Variants in HTR1E observed in about 807,000 individuals in gnomAD.
HTR1E encodes 5-hydroxytryptamine receptor 1E, also known as 5-HT-1E.
In HTR1E, 3 loss-of-function variants were observed where a neutral mutation model predicts 3.4. The observed-to-expected ratio is 0.89, with a 90% CI of 0.41 to 2.31. The LOEUF (loss-of-function observed/expected upper bound fraction) is 2.31. Ranked by LOEUF, HTR1E falls within the 30% of genes most tolerant of loss-of-function variation. The pLI is 0.05. For missense variants in HTR1E, 392 were observed against 467.0 expected (o/e 0.84, Z 1.48); for synonymous variants, 170 against 182.8 (o/e 0.93, Z 0.56).
At chr6:86,964,037 T>C (rs1289542397) in intron 1 of HTR1E, among the ~76,000 whole-genome samples, 3 of 152,182 alleles carry the variant, frequency 2.0e-5, no homozygotes, top group Non-Finnish European at 4.4e-5. Context: ...GACATCATTC[T>C]AGAAAACCCT....
Position 86,937,772 on chromosome 6 carries a change from C to T in HTR1E, c.-237C>T. The T allele has an allele frequency of 6.5e-6, 1 of 153,090 alleles. No individual in the cohort carries two copies. Among genetic ancestry groups the T allele is most frequent in the East Asian group, 1.9e-4 (1 of 5,196 alleles). The allele number at this position is 153,090 out of a possible 1,614,324, so 9.5% of individuals were successfully genotyped here. A position where few individuals can be genotyped will look rare whatever the true frequency, so the allele number is the denominator to read the frequency against. On this transcript the variant is annotated 5_prime_UTR_variant, in exon 1 of 2. Transcript: ENST00000305344. ...TTCCGAGTGAGACTTCTGGAGCCAG[C>T]TGGACGTGCCGGTTTGCCCAGTGCG...
At chr6:86,987,860 T>A (rs77479396) in intron 1 of HTR1E, among the ~76,000 whole-genome samples, 6,317 of 151,768 alleles carry the variant, frequency 0.042, 191 homozygotes, top group East Asian at 0.14. Context: ...TTTATAAGGG[T>A]CTTAATCTCA....
chr6:87,016,475 G>T lies in HTR1E; in HGVS notation c.*43G>T. ...GGCACGACTTTTTCCAGAGCCTCAT[G>T]AGTGGATGGGGGTAAGGGGTGCAAC... On this transcript the variant is annotated 3_prime_UTR_variant, in exon 2 of 2. Coordinates refer to ENST00000305344, the MANE Select transcript of HTR1E (RefSeq NM_000865.3). The T allele has an allele frequency of 6.6e-7, 1 of 1,522,304 alleles. No homozygotes were observed. The highest frequency in any genetic ancestry group is 8.9e-7 in the Non-Finnish European group (1 of 1,126,216). 94.3% of individuals were successfully genotyped at this position (1,522,304 alleles called of 1,614,324 possible). A position where few individuals can be genotyped will look rare whatever the true frequency, so the allele number is the denominator to read the frequency against.
chr6:87,003,739 A>G (rs555359657), intron 1 of HTR1E, among the ~76,000 whole-genome samples: 34 of 152,208 alleles, frequency 2.2e-4, no homozygotes, highest in African/African-American at 7.5e-4. Flanking sequence ...CCAAACTCAA[A>G]ATTATTAGGA....
At chr6:86,958,122 G>A (rs569510470) in intron 1 of HTR1E, among the ~76,000 whole-genome samples, 28 of 148,632 alleles carry the variant, frequency 1.9e-4, no homozygotes, top group Non-Finnish European at 3.4e-4. Context: ...GCAATGGTGC[G>A]ATCTCGGCTC....
chr6:86,981,979 T>C (rs1767718762), intron 1 of HTR1E, among the ~76,000 whole-genome samples: 6 of 150,080 alleles, frequency 4.0e-5, no homozygotes, highest in Admixed American at 4.0e-4. Flanking sequence ...GATTTCTCCC[T>C]TGAGTGATGT....
At chr6:87,014,708 A>G (rs1230394701) in intron 1 of HTR1E, among the ~76,000 whole-genome samples, 1 of 152,218 alleles carries the variant, frequency 6.6e-6, no homozygotes, top group Non-Finnish European at 1.5e-5. Context: ...ACAGGAACAG[A>G]AAACCAAACA....
intron 1 of HTR1E, among the ~76,000 whole-genome samples, chr6:87,010,364 GCTGAC>G (rs1768197933): frequency 1.7e-5 from 2 of 117,234 alleles, no homozygotes; most frequent in African/African-American, 6.6e-5. Flanking sequence ...CGGGCGGGGG[GCTGAC>G]CCCCCCATCT....
rs140862196 is a variant in HTR1E at position 87,015,804 on chromosome 6, C to G, written c.470C>G (p.Pro157Arg). Residue 157 changes from proline (P) to arginine (R), a missense_variant, in exon 2 of 2, where the codon CCT (proline) becomes CGT (arginine). Pro to Arg is a moderately radical substitution (Grantham distance 103). This residue lies in a region of HTR1E where 189 missense variants were observed against 258.0 expected (regional missense o/e 0.73). Transcript: ENST00000305344. ...WTISIFISMP[P>R]LFWRSHRRLS... The stretch of plus-strand genomic sequence containing the variant: ...ATCTCCATTTTCATCTCCATGCCCC[C>G]TCTGTTCTGGAGAAGCCACCGCCGC... 11 of 1,612,670 alleles carry G rather than the reference C, an allele frequency of 6.8e-6. No homozygotes were observed.
Position 87,016,098 on chromosome 6 carries a change from A to G in HTR1E, c.764A>G (p.Glu255Gly). ...TTCTCCACCTCAGACCCTACCACAG[A>G]GTTTGAAAAGTTCCATGCCTCCATC... ...SDFSTSDPTTEFEKFHASIRI... is the reference protein window; with the variant it reads ...SDFSTSDPTTGFEKFHASIRI... The change falls in exon 2 of 2, where the codon GAG (glutamate) becomes GGG (glycine). Residue 255 changes from glutamate to glycine, a missense_variant. This residue lies in a region of HTR1E where 178 missense variants were observed against 164.9 expected (regional missense o/e 1.08). Coordinates refer to ENST00000305344, the MANE Select transcript of HTR1E (RefSeq NM_000865.3). The G allele has an allele frequency of 6.2e-7, 1 of 1,614,118 alleles. No homozygotes were observed. The highest frequency in any genetic ancestry group is 8.5e-7 in the Non-Finnish European group (1 of 1,180,010).
chr6:86,963,204 A>T (rs1349225999), intron 1 of HTR1E, among the ~76,000 whole-genome samples: 2 of 152,184 alleles, frequency 1.3e-5, no homozygotes, highest in African/African-American at 4.8e-5. Context: ...TAACAGAAAA[A>T]TTTAAAAAAT....
At chr6:87,009,956 G>A (rs1240011623) in intron 1 of HTR1E, among the ~76,000 whole-genome samples, 50 of 127,860 alleles carry the variant, frequency 3.9e-4, no homozygotes, top group African/African-American at 1.3e-3. Flanking sequence ...CAGTAGGGGC[G>A]GCCGGGCAGA....
Position 86,941,293 on chromosome 6 carries a change from G to A in HTR1E, c.-186+3470G>A, listed in dbSNP as rs113533298. Among the ~76,000 whole-genome samples the A allele has an allele frequency of 9.4e-3, 1,435 of 152,226 alleles. 22 individuals carry two copies. Among genetic ancestry groups the A allele is most frequent in the African/African-American group, 0.033 (1,352 of 41,562 alleles). ...TCACTCAATCAATTGGCATATTCCC[G>A]GATCACAACAAATTGATAAAATTCT... On this transcript the variant is annotated intron_variant, in intron 1 of 1. Transcript: ENST00000305344.
At chr6:86,979,381 G>A (rs1400965301) in intron 1 of HTR1E, among the ~76,000 whole-genome samples, 2 of 152,180 alleles carry the variant, frequency 1.3e-5, no homozygotes, top group East Asian at 1.9e-4. Context: ...AGGAGTCCAT[G>A]ACTCAAAAAC....
chr6:86,971,753 G>T (rs982525530), intron 1 of HTR1E, among the ~76,000 whole-genome samples: 2 of 151,982 alleles, frequency 1.3e-5, no homozygotes, highest in African/African-American at 4.8e-5. Context: ...TTTTGACATG[G>T]GAATATTGCA....
At chr6:86,939,829 A>C (rs529969162) in intron 1 of HTR1E, among the ~76,000 whole-genome samples, 18 of 152,320 alleles carry the variant, frequency 1.2e-4, no homozygotes, top group Non-Finnish European at 2.5e-4. Flanking sequence ...ACGATGGCTC[A>C]TGTCTCTCAA....
chr6:86,973,574 A>G (rs977627778), intron 1 of HTR1E, among the ~76,000 whole-genome samples: 1 of 152,118 alleles, frequency 6.6e-6, no homozygotes, highest in Non-Finnish European at 1.5e-5. Flanking sequence ...CCCCAAATAC[A>G]TATGTTCTGT....
intron 1 of HTR1E, among the ~76,000 whole-genome samples, chr6:86,994,051 T>C (rs542856103): frequency 3.9e-5 from 6 of 152,078 alleles, no homozygotes; most frequent in Non-Finnish European, 4.4e-5. Context: ...AAAAGATCGG[T>C]GAACTTAAAG....
At chr6:86,988,109 G>A (rs1767818671) in intron 1 of HTR1E, among the ~76,000 whole-genome samples, 1 of 152,118 alleles carries the variant, frequency 6.6e-6, no homozygotes, top group Non-Finnish European at 1.5e-5. Context: ...ATATTGACTT[G>A]CCAACATTAC....
Sources: allele counts gnomAD v4.1 joint callset (sites outside exome capture counted in the v4.1 genomes callset), GRCh38; gene constraint gnomAD v4.1.1; regional missense constraint gnomAD v4.1.1; transcripts MANE v1.5; gene names NCBI Gene and HGNC (gene_info 2026-07-23, HGNC 2026-07-21).